Variants in STAT5B observed in about 807,000 individuals in gnomAD.
STAT5B encodes the protein signal transducer and activator of transcription 5B.
STAT5B carries 21 observed loss-of-function variants against 107.8 expected under a neutral mutation model. That is an observed-to-expected ratio of 0.19 (90% CI 0.14 to 0.28). The LOEUF (loss-of-function observed/expected upper bound fraction) is 0.28, where lower values mean the gene tolerates loss of function less well. STAT5B is among the 10% of genes least tolerant of loss of function. STAT5B has a pLI of 1.00. For missense variants in STAT5B, 565 were observed against 1,008.2 expected, an observed-to-expected ratio of 0.56 and a Z score of 5.95; for synonymous variants, 325 against 401.7, an observed-to-expected ratio of 0.81 and a Z score of 2.28.
At chr17:42,247,873 A>G (rs1260634072) in intron 1 of STAT5B, among the ~76,000 whole-genome samples, 1 of 151,514 alleles carries the variant, frequency 6.6e-6, no homozygotes. Flanking sequence ...GAATCACTTG[A>G]GCCTAGGAGT....
chr17:42,281,773 G>A, the STAT5B span, among the ~76,000 whole-genome samples: 1 of 152,186 alleles, frequency 6.6e-6, no homozygotes. Flanking sequence ...CTCTGGAAAG[G>A]CCAAGGATCC....
intron 3 of STAT5B, among the ~76,000 whole-genome samples, chr17:42,227,136 A>AAACTAAATAAAT: frequency 7.6e-6 from 1 of 132,248 alleles, no homozygotes; most frequent in Non-Finnish European, 1.6e-5. Flanking sequence ...CTCCGTCTCA[A>AAACTAAATAAAT]AAATAAATAA....
At chr17:42,282,165 A>C in the STAT5B span, among the ~76,000 whole-genome samples, 1 of 152,286 alleles carries the variant, frequency 6.6e-6, no homozygotes, top group Non-Finnish European at 1.5e-5. Flanking sequence ...ATATTTATGA[A>C]GACTCTATTG....
intron 1 of STAT5B, among the ~76,000 whole-genome samples, chr17:42,263,866 AGCGC>A (rs200810500): frequency 3.2e-5 from 3 of 93,162 alleles, no homozygotes; most frequent in East Asian, 3.4e-4. Flanking sequence ...GATACTAGAA[AGCGC>A]GCACACACAC....
chr17:42,218,118 G>A lies in STAT5B; in HGVS notation c.1169+33C>T, dbSNP rs1208436295. On this transcript the variant is annotated intron_variant, in intron 9 of 18. Transcript: ENST00000293328. The stretch of plus-strand genomic sequence containing the variant: ...TTCCTGTTGCCAGGACATGAGACAA[G>A]TAGCAGGGAATGAGAGGAAGCTGCA... 3 of 1,607,378 alleles carry A rather than the reference G, an allele frequency of 1.9e-6. No individual in the cohort carries two copies. The South Asian group carries it at 3.3e-5, about 18-fold the overall frequency.
chr17:42,209,658 T>C (rs2080113456), intron 15 of STAT5B, among the ~76,000 whole-genome samples: 1 of 152,132 alleles, frequency 6.6e-6, no homozygotes, highest in Admixed American at 6.6e-5. Context: ...CAGTGAGCCA[T>C]GTTTGTGCCG....
chr17:42,245,209 C>T (rs1007513367), intron 1 of STAT5B, among the ~76,000 whole-genome samples: 2 of 151,264 alleles, frequency 1.3e-5, no homozygotes, highest in South Asian at 4.2e-4. Context: ...TCCCGAATAG[C>T]TGGGACTACA....
At chr17:42,244,227 A>T (rs1474746522) in intron 1 of STAT5B, among the ~76,000 whole-genome samples, 1 of 149,832 alleles carries the variant, frequency 6.7e-6, no homozygotes, top group African/African-American at 2.5e-5. Flanking sequence ...AGCTGGGACC[A>T]CAGGTGTGTG....
intron 12 of STAT5B, among the ~76,000 whole-genome samples, chr17:42,213,546 G>A (rs1254881740): frequency 6.7e-6 from 1 of 150,266 alleles, no homozygotes; most frequent in East Asian, 2.0e-4. Flanking sequence ...TTATTTTTTT[G>A]AGACAGAGTC....
At chr17:42,269,791 C>T (rs2144426677) in intron 1 of STAT5B, 1 of 151,480 alleles carries the variant, frequency 6.6e-6, no homozygotes, top group East Asian at 1.9e-4. Context: ...CTTCACAATC[C>T]ACTCCCAAGG....
intron 1 of STAT5B, among the ~76,000 whole-genome samples, chr17:42,241,041 T>C (rs1293308866): frequency 6.6e-6 from 1 of 152,106 alleles, no homozygotes; most frequent in Non-Finnish European, 1.5e-5. Context: ...CTGTACAGAA[T>C]ATAAAGAGCA....
upstream of STAT5B, chr17:42,276,527 C>T: frequency 6.6e-6 from 1 of 151,258 alleles, no homozygotes; most frequent in East Asian, 2.0e-4. This position sits in a 1 kb window ranked among gnomAD's most constrained non-coding sequence, Gnocchi z 4.8. Context: ...GCCCGCTGTC[C>T]CTCGCGCCCC....
chr17:42,218,405 G>C, intron 8 of STAT5B, 75 bp from the exon 9 acceptor site: 1 of 1,567,346 alleles, frequency 6.4e-7, no homozygotes, highest in Non-Finnish European at 8.7e-7. Flanking sequence ...CTCTGTGGTG[G>C]GGGTGGGGCT....
chr17:42,212,224 A>C (rs972531539), intron 12 of STAT5B, 34 bp from the exon 13 acceptor site: 2 of 1,614,052 alleles, frequency 1.2e-6, no homozygotes. Context: ...CTGATGAGAA[A>C]ACAGTTGCAT....
At chr17:42,277,168 T>C (rs942512008), upstream of STAT5B, among the ~76,000 whole-genome samples, 2 of 151,444 alleles carry the variant, frequency 1.3e-5, no homozygotes, top group African/African-American at 4.9e-5. Context: ...GAGGAGGGGG[T>C]TGCGGTTGTG....
At chr17:42,209,776 A>C (rs1039682635) in intron 15 of STAT5B, among the ~76,000 whole-genome samples, 2 of 152,208 alleles carry the variant, frequency 1.3e-5, no homozygotes, top group African/African-American at 4.8e-5. Flanking sequence ...TAATTAGGAT[A>C]AAGGAATATT....
At chr17:42,212,227 AGTTGCAT>A in intron 12 of STAT5B, 37 bp from the exon 13 acceptor site, 1 of 1,614,202 alleles carries the variant, frequency 6.2e-7, no homozygotes, top group South Asian at 1.1e-5. Context: ...ATGAGAAAAC[AGTTGCAT>A]GATTTATTCC....
upstream of STAT5B, among the ~76,000 whole-genome samples, chr17:42,279,309 A>G (rs185680630): frequency 3.3e-4 from 50 of 152,194 alleles, no homozygotes; most frequent in African/African-American, 1.0e-3. Flanking sequence ...GACAGTACCT[A>G]CCTCATCGGG....
At chr17:42,222,734 T>G (rs901776135) in intron 5 of STAT5B, among the ~76,000 whole-genome samples, 3 of 149,220 alleles carry the variant, frequency 2.0e-5, no homozygotes, top group Admixed American at 6.8e-5. Flanking sequence ...CAGGCTGGAG[T>G]GCAATGGTGA....
Sources: allele counts gnomAD v4.1 joint callset (sites outside exome capture counted in the v4.1 genomes callset), GRCh38; gene constraint gnomAD v4.1.1; non-coding constraint Gnocchi (gnomAD v3.1); transcripts MANE v1.5; gene names NCBI Gene and HGNC (gene_info 2026-07-23, HGNC 2026-07-21).